SLC22A2: variants seen among roughly 807,000 people sequenced by gnomAD.
SLC22A2 encodes the protein solute carrier family 22 member 2.
A neutral mutation model predicts 60.5 loss-of-function variants in SLC22A2; 46 were observed. The observed-to-expected ratio is 0.76, with a 90% CI of 0.60 to 0.97. The LOEUF (loss-of-function observed/expected upper bound fraction) is 0.97. Among genes scored for constraint, SLC22A2 ranks in the 50% least tolerant of loss-of-function variants. The pLI, the probability that SLC22A2 is intolerant of heterozygous loss-of-function variation, is 0.00. For missense variants in SLC22A2, 701 were observed against 706.6 expected (o/e 0.99, Z 0.09); for synonymous variants, 303 against 267.0 (o/e 1.13, Z -1.31).
chr6:160,242,934 A>G (rs1328450288), intron 7 of SLC22A2, among the ~76,000 whole-genome samples: 4 of 152,216 alleles, frequency 2.6e-5, no homozygotes, highest in Admixed American at 1.3e-4. Flanking sequence ...GTGTTCTCTT[A>G]ACTTTAGACC....
At chr6:160,243,138 TA>T (rs2114864055) in intron 7 of SLC22A2, among the ~76,000 whole-genome samples, 1 of 152,322 alleles carries the variant, frequency 6.6e-6, no homozygotes, top group South Asian at 2.1e-4. Context: ...GGAAGCATTT[TA>T]AAAGGGAAAA....
chr6:160,226,729 T>C (rs1188439265), intron 9 of SLC22A2, among the ~76,000 whole-genome samples: 1 of 152,200 alleles, frequency 6.6e-6, no homozygotes. Flanking sequence ...AGTTTTTCTT[T>C]AACAATACCA....
chr6:160,240,272 T>C (rs1782976347), intron 9 of SLC22A2, among the ~76,000 whole-genome samples: 2 of 152,186 alleles, frequency 1.3e-5, no homozygotes, highest in Admixed American at 1.3e-4. Flanking sequence ...CAGTTAAATT[T>C]ACATTTTACA....
intron 2 of SLC22A2, among the ~76,000 whole-genome samples, chr6:160,256,094 G>T (rs372222704): frequency 1.3e-5 from 2 of 152,170 alleles, no homozygotes; most frequent in South Asian, 4.1e-4. Context: ...CTTTCTTTAA[G>T]TTATGGCTTC....
rs771747593 is a variant in SLC22A2 at position 160,247,333 on chromosome 6, T to C, written c.843-35A>G. The C allele has an allele frequency of 7.4e-6, 8 of 1,080,466 alleles. No homozygotes were observed. In the South Asian group the frequency reaches 8.7e-5, roughly 12 times the overall value. The allele number at this position is 1,080,466 out of a possible 1,614,324, so 66.9% of individuals were successfully genotyped here. ...AAGGTGAGCGGAGGGCAACTCTTAC[T>C]GAATCCTCCTTACCCCATCCCCCAT... On this transcript the variant is annotated intron_variant, in intron 4 of 10. Coordinates refer to ENST00000366953, the MANE Select transcript of SLC22A2 (RefSeq NM_003058.4).
intron 9 of SLC22A2, among the ~76,000 whole-genome samples, chr6:160,230,205 T>G (rs1782795649): frequency 6.6e-6 from 1 of 151,824 alleles, no homozygotes; most frequent in African/African-American, 2.4e-5. Context: ...TAATTCTTTT[T>G]TCACCTCCCC....
intron 9 of SLC22A2, among the ~76,000 whole-genome samples, chr6:160,227,196 C>G (rs1025737492): frequency 1.4e-4 from 21 of 152,250 alleles, no homozygotes; most frequent in East Asian, 7.7e-4. Context: ...GAGTCTAGCA[C>G]CTTTTAAAGA....
intron 10 of SLC22A2, among the ~76,000 whole-genome samples, chr6:160,223,001 A>C (rs1782667749): frequency 6.6e-6 from 1 of 152,144 alleles, no homozygotes; most frequent in Non-Finnish European, 1.5e-5. Flanking sequence ...GCCTCTTCCA[A>C]CTCTAAGACT....
chr6:160,245,239 G>A, intron 6 of SLC22A2, 200 bp downstream of exon 6: 1 of 356,794 alleles, frequency 2.8e-6, no homozygotes, highest in Non-Finnish European at 5.0e-6. Context: ...CCATTGCCTT[G>A]ATCTGTGCTT....
At chr6:160,241,406 G>C (rs1175333186) in intron 9 of SLC22A2, 68 bp downstream of exon 9, 7 of 958,848 alleles carry the variant, frequency 7.3e-6, no homozygotes, top group Non-Finnish European at 1.2e-5. Context: ...TTTGAATGAA[G>C]TAGAAGAGAA....
Position 160,258,725 on chromosome 6 carries a change from A to C in SLC22A2, c.33T>G (p.His11Gln). The change falls in exon 1 of 11, where the codon CAT becomes CAG. Residue 11 changes from histidine (H) to glutamine (Q), a missense_variant. Coordinates refer to ENST00000366953, the MANE Select transcript of SLC22A2 (RefSeq NM_003058.4). The part of the protein sequence containing the change: MPTTVDDVLE[H>Q]GGEFHFFQKQ... ...TCTGGAAAAAGTGAAACTCCCCTCC[A>C]TGCTCCAGGACATCGTCCACGGTGG... 1 of 1,584,138 alleles carries C rather than the reference A, an allele frequency of 6.3e-7. No homozygotes were observed. The highest frequency in any genetic ancestry group is 8.6e-7 in the Non-Finnish European group (1 of 1,164,020).
intron 9 of SLC22A2, 85 bp from the exon 10 acceptor site, chr6:160,224,889 C>CTTT: frequency 1.7e-6 from 1 of 583,254 alleles, no homozygotes; most frequent in Non-Finnish European, 2.8e-6. Context: ...TTGTTTAAAA[C>CTTT]TTTTTTTTAG....
At chr6:160,256,503 T>G in intron 2 of SLC22A2, 111 bp downstream of exon 2, 1 of 722,598 alleles carries the variant, frequency 1.4e-6, no homozygotes, top group Non-Finnish European at 2.5e-6. Flanking sequence ...GGCCAGGAGA[T>G]TGTGGTCTGT....
At chr6:160,257,546 G>A (rs1284949356) in intron 1 of SLC22A2, among the ~76,000 whole-genome samples, 1 of 152,096 alleles carries the variant, frequency 6.6e-6, no homozygotes, top group Non-Finnish European at 1.5e-5. Flanking sequence ...AAGCCCATGA[G>A]CTGCCACATT....
intron 1 of SLC22A2, 92 bp downstream of exon 1, chr6:160,258,252 G>T: frequency 7.2e-7 from 1 of 1,392,490 alleles, no homozygotes; most frequent in Non-Finnish European, 9.7e-7. Flanking sequence ...TGTCCAGGCA[G>T]GGTTTATAAG....
At chr6:160,235,696 T>C (rs1782899552) in intron 9 of SLC22A2, among the ~76,000 whole-genome samples, 4 of 151,624 alleles carry the variant, frequency 2.6e-5, no homozygotes. Flanking sequence ...CTTACAGCAC[T>C]GATCTGCTCT....
In SLC22A2 at chr6:160,249,316, C is replaced by T; in HGVS notation, c.742G>A (p.Gly248Arg). The T allele has an allele frequency of 1.2e-6, 2 of 1,613,324 alleles. No homozygotes were observed. The highest frequency in any genetic ancestry group is 1.7e-6 in the Non-Finnish European group (2 of 1,179,466). ...GCCACCCCAGCTAGCACCAGGAGCC[C>T]AACTGTATAGGCAACTTGGTAAAAA... is the stretch of plus-strand genomic sequence containing the variant. ...GIFYQVAYTV[G>R]LLVLAGVAYA... The change falls in exon 4 of 11, where the codon GGG becomes AGG. Residue 248 changes from glycine to arginine, a missense_variant. Physicochemically the swap from Gly to Arg is moderately radical, Grantham distance 125. Coordinates refer to ENST00000366953, the MANE Select transcript of SLC22A2 (RefSeq NM_003058.4).
chr6:160,247,304 G>C lies in SLC22A2; in HGVS notation c.843-6C>G, dbSNP rs758552610. 1 of 1,507,204 alleles carries C rather than the reference G, an allele frequency of 6.6e-7. No individual in the cohort carries two copies. The highest frequency in any genetic ancestry group is 9.2e-7 in the Non-Finnish European group (1 of 1,082,516). The allele number at this position is 1,507,204 out of a possible 1,614,324, so 93.4% of individuals were successfully genotyped here. A position where few individuals can be genotyped will look rare whatever the true frequency, so the allele number is the denominator to read the frequency against. On this transcript the variant is annotated splice_region_variant and splice_polypyrimidine_tract_variant and intron_variant, in intron 4 of 10. Transcript: ENST00000366953. Reference sequence around the variant, plus strand: ...TGGGAGACTCAGGTATGCACCTAGGGTACAAGGTGAGCGGAGGGCAACTCT... The same window carrying C: ...TGGGAGACTCAGGTATGCACCTAGGCTACAAGGTGAGCGGAGGGCAACTCT...
chr6:160,248,799 G>A (rs1346495592), intron 4 of SLC22A2, among the ~76,000 whole-genome samples: 1 of 152,168 alleles, frequency 6.6e-6, no homozygotes, highest in Non-Finnish European at 1.5e-5. Context: ...TCTGCCTTGG[G>A]CATGAGTATT....
Sources: allele counts gnomAD v4.1 joint callset (sites outside exome capture counted in the v4.1 genomes callset), GRCh38; gene constraint gnomAD v4.1.1; transcripts MANE v1.5; gene names NCBI Gene and HGNC (gene_info 2026-07-23, HGNC 2026-07-21).